The following KIF2A variants were observed in gnomAD, a reference collection of about 807,000 sequenced individuals.
The protein encoded by KIF2A is kinesin family member 2A, also known as kinesin-like protein KIF2A.
Under a neutral mutation model 100.2 loss-of-function variants are expected in KIF2A, and 22 were observed. The observed-to-expected ratio is 0.22, with a 90% confidence interval of 0.16 to 0.31. KIF2A has a LOEUF of 0.31. KIF2A is among the 10% of genes least tolerant of loss of function. The probability of loss-of-function intolerance (pLI) is 1.00; values close to 1 mark genes in which losing one functional copy is unlikely to be tolerated. For synonymous variants in KIF2A, 268 were observed against 285.9 expected, an observed-to-expected ratio of 0.94 and a Z score of 0.63; for missense variants, 495 against 898.7, an observed-to-expected ratio of 0.55 and a Z score of 5.74.
intron 1 of KIF2A, among the ~76,000 whole-genome samples, chr5:62,320,910 C>G (rs1746061541): frequency 6.6e-6 from 1 of 152,064 alleles, no homozygotes; most frequent in Non-Finnish European, 1.5e-5. Context: ...AAAAGAAACC[C>G]ATACCCATTA....
chr5:62,369,879 C>G lies in KIF2A; in HGVS notation c.1647-2559C>G, dbSNP rs147193836. 5.5e-4 allele frequency among the ~76,000 whole-genome samples: 83 copies of G among 152,228 alleles called. 1 individual carries two copies. In the Middle Eastern group the frequency reaches 0.01, roughly 19 times the overall value. On this transcript the variant is annotated intron_variant, in intron 16 of 20. Transcript: ENST00000407818. ...GTGATTGAAGTGTTATTTCTCAGGA[C>G]AAAATAGGTTTAATAACTTCCTTAC...
rs1317665189 is a variant in KIF2A, at chr5:62,388,279, T to A, written c.*2710T>A. 1 of 152,236 alleles carries A rather than the reference T, an allele frequency of 6.6e-6. No individual in the cohort carries two copies. The highest frequency in any genetic ancestry group is 1.5e-5 in the Non-Finnish European group (1 of 68,044). The allele number at this position is 152,236 out of a possible 1,614,324, so 9.4% of individuals were successfully genotyped here. On this transcript the variant is annotated 3_prime_UTR_variant, in exon 21 of 21. Transcript: ENST00000407818. ...TCTGAAATTTTGCTAAGCCTATAGTTATCTCCCTAAGAACCATAAAAAAAG... is the reference window on the plus strand; with the variant it reads ...TCTGAAATTTTGCTAAGCCTATAGTAATCTCCCTAAGAACCATAAAAAAAG...
At chr5:62,353,446 A>T in intron 6 of KIF2A, 71 bp downstream of exon 6, 1 of 663,366 alleles carries the variant, frequency 1.5e-6, no homozygotes, top group Non-Finnish European at 2.4e-6. Context: ...AAGGTGATTG[A>T]TGTGAACAAA....
chr5:62,335,751 T>A lies in KIF2A; in HGVS notation c.65-11379T>A, dbSNP rs114755472. Among the ~76,000 whole-genome samples, 473 of 152,290 alleles carry A rather than the reference T, an allele frequency of 3.1e-3. 5 individuals carry two copies. Among genetic ancestry groups the A allele is most frequent in the African/African-American group, 0.011 (442 of 41,562 alleles). Reference sequence around the variant, plus strand: ...TTAATTAAATATTTTAATAAAAAATTGAGAAAACTCCTTGCAGGTGTTTTT... The same window carrying A: ...TTAATTAAATATTTTAATAAAAAATAGAGAAAACTCCTTGCAGGTGTTTTT... On this transcript the variant is annotated intron_variant, in intron 1 of 20. Transcript: ENST00000407818.
chr5:62,322,983 G>T (rs1272936603), intron 1 of KIF2A, among the ~76,000 whole-genome samples: 1 of 138,916 alleles, frequency 7.2e-6, no homozygotes, highest in Non-Finnish European at 1.5e-5. Context: ...AAAGCCGGGC[G>T]CAGTGACTCA....
intron 3 of KIF2A, 67 bp downstream of exon 3, chr5:62,348,234 C>G: frequency 6.4e-7 from 1 of 1,552,264 alleles, no homozygotes; most frequent in Non-Finnish European, 8.8e-7. Context: ...TGTGTGTGTT[C>G]TAGTTTGAAA....
intron 1 of KIF2A, among the ~76,000 whole-genome samples, chr5:62,340,103 T>G (rs1747216316): frequency 6.6e-6 from 1 of 151,894 alleles, no homozygotes; most frequent in African/African-American, 2.4e-5. Context: ...GCCCAGCTAA[T>G]TTTTTGTGTT....
At position 62,390,903 on chromosome 5, in the gene KIF2A, C is replaced by T. The variant is rs755000236; in HGVS notation, c.*5334C>T. 134 of 1,611,884 alleles carry T rather than the reference C, an allele frequency of 8.3e-5. No homozygotes were observed. Among genetic ancestry groups the T allele is most frequent in the Non-Finnish European group, 1.0e-4 (118 of 1,179,826 alleles). ...GATGAAGTCATCTATGTCCATGGAA[C>T]GGGCCCGTTTGTCACTAAAACCTGT... On this transcript the variant is annotated 3_prime_UTR_variant, in exon 21 of 21. Coordinates refer to ENST00000407818, the MANE Select transcript of KIF2A (RefSeq NM_001098511.3).
intron 6 of KIF2A, among the ~76,000 whole-genome samples, chr5:62,354,393 A>G (rs1264147599): frequency 6.6e-6 from 1 of 152,086 alleles, no homozygotes; most frequent in Non-Finnish European, 1.5e-5. Flanking sequence ...ACAGTTTGTA[A>G]TTTAGTTGCA....
At chr5:62,312,372 A>ATT (rs1745595432) in intron 1 of KIF2A, among the ~76,000 whole-genome samples, 3 of 152,344 alleles carry the variant, frequency 2.0e-5, no homozygotes, top group Admixed American at 2.0e-4. Context: ...ATCCAGAACA[A>ATT]GATTCCCTGA....
At chr5:62,337,077 G>A (rs756626009) in intron 1 of KIF2A, among the ~76,000 whole-genome samples, 8 of 152,088 alleles carry the variant, frequency 5.3e-5, no homozygotes, top group Non-Finnish European at 7.4e-5. Flanking sequence ...TTATAATAAC[G>A]CAAAGCAAGA....
At chr5:62,363,559 T>A in intron 13 of KIF2A, 136 bp from the exon 14 acceptor site, 1 of 766,284 alleles carries the variant, frequency 1.3e-6, no homozygotes, top group Non-Finnish European at 2.1e-6. Flanking sequence ...TATAACTCAG[T>A]GTCTCATCTG....
At chr5:62,381,632 A>G (rs917022373) in intron 20 of KIF2A, among the ~76,000 whole-genome samples, 3 of 152,188 alleles carry the variant, frequency 2.0e-5, no homozygotes, top group African/African-American at 7.2e-5. Context: ...GGGCGTGATC[A>G]TGGCTTACTG....
At chr5:62,379,660 A>C (rs1172945045) in intron 19 of KIF2A, among the ~76,000 whole-genome samples, 1 of 67,542 alleles carries the variant, frequency 1.5e-5, no homozygotes, top group Non-Finnish European at 3.0e-5. Flanking sequence ...GAAACTCAGG[A>C]AAAAAAAAAA....
At chr5:62,362,649 TG>T (rs1748465784) in intron 12 of KIF2A, 108 bp downstream of exon 12, 1 of 436,014 alleles carries the variant, frequency 2.3e-6, no homozygotes, top group Non-Finnish European at 4.0e-6. Flanking sequence ...TTCACATTGT[TG>T]TGCAGCGTTT....
At chr5:62,348,434 A>G (rs1290444896) in intron 3 of KIF2A, among the ~76,000 whole-genome samples, 1 of 152,216 alleles carries the variant, frequency 6.6e-6, no homozygotes, top group Non-Finnish European at 1.5e-5. Flanking sequence ...GGAGATATAG[A>G]TCAAAACCAT....
At chr5:62,367,369 C>T (rs979131072) in intron 16 of KIF2A, among the ~76,000 whole-genome samples, 6 of 151,908 alleles carry the variant, frequency 3.9e-5, no homozygotes, top group African/African-American at 4.8e-5. Flanking sequence ...TGAGTTCAAG[C>T]GATTTTCCTG....
Position 62,390,989 on chromosome 5 carries a change from A to G in KIF2A, c.*5420A>G, listed in dbSNP as rs1279434496. The G allele has an allele frequency of 2.5e-6, 4 of 1,608,864 alleles. No homozygotes were observed. Among genetic ancestry groups the G allele is most frequent in the Non-Finnish European group, 3.4e-6 (4 of 1,175,398 alleles). ...TGAAATCTTCTGGTATTATCTATCA[A>G]TATAAGATTCAGAATAAATGAACGA... On this transcript the variant is annotated 3_prime_UTR_variant, in exon 21 of 21. Transcript: ENST00000407818.
At chr5:62,360,077 T>C (rs247275) in intron 9 of KIF2A, among the ~76,000 whole-genome samples, 73,830 of 151,678 alleles carry the variant, frequency 0.49, 18,907 homozygotes, top group African/African-American at 0.64. Flanking sequence ...CTGCAACCTC[T>C]GCCTCCCAGT....
Sources: allele counts gnomAD v4.1 joint callset (sites outside exome capture counted in the v4.1 genomes callset), GRCh38; gene constraint gnomAD v4.1.1; transcripts MANE v1.5; gene names NCBI Gene and HGNC (gene_info 2026-07-23, HGNC 2026-07-21).